Variants in MTHFD2L observed in about 807,000 individuals in gnomAD.
MTHFD2L encodes the protein bifunctional methylenetetrahydrofolate dehydrogenase/cyclohydrolase 2, mitochondrial.
MTHFD2L carries 29 observed loss-of-function variants against 34.9 expected under a neutral mutation model. The ratio of observed to expected loss-of-function variants is 0.83; its 90% CI spans 0.62 to 1.13. The LOEUF (loss-of-function observed/expected upper bound fraction) is 1.13. Among genes scored for constraint, MTHFD2L ranks in the 50% most tolerant of loss-of-function variants. The pLI, the probability that MTHFD2L is intolerant of heterozygous loss-of-function variation, is 0.00. For missense variants in MTHFD2L, 481 were observed against 446.5 expected (o/e 1.08, Z -0.70); for synonymous variants, 167 against 155.7 (o/e 1.07, Z -0.54).
At chr4:74,134,239 G>A (rs924432299) in intron 1 of MTHFD2L, among the ~76,000 whole-genome samples, 5 of 152,106 alleles carry the variant, frequency 3.3e-5, no homozygotes, top group African/African-American at 4.8e-5. Context: ...ATCCTCAGCC[G>A]TAAAAACTCC....
At position 74,277,305 on chromosome 4, in the gene MTHFD2L, A is replaced by G. The variant is rs76127671; in HGVS notation, c.806-4120A>G. On this transcript the variant is annotated intron_variant, in intron 6 of 7. Coordinates refer to ENST00000325278, the MANE Select transcript of MTHFD2L (RefSeq NM_001144978.3). Reference sequence around the variant, plus strand: ...TGTGACACAGCTGAGGGAACTCAATACACCCTAGATACCACTTGAATTGCT... The same window carrying G: ...TGTGACACAGCTGAGGGAACTCAATGCACCCTAGATACCACTTGAATTGCT... 6.2e-3 allele frequency among the ~76,000 whole-genome samples: 940 copies of G among 152,070 alleles called. 11 individuals are homozygous for G. Among genetic ancestry groups the G allele is most frequent in the African/African-American group, 0.022 (901 of 41,510 alleles).
intron 3 of MTHFD2L, 145 bp from the exon 4 acceptor site, chr4:74,199,646 CAAA>C: frequency 3.0e-6 from 2 of 668,382 alleles, no homozygotes; most frequent in African/African-American, 2.0e-5. Flanking sequence ...ATTTTGGTGG[CAAA>C]TAATAATAAT....
chr4:74,248,069 T>C (rs1458469313), intron 6 of MTHFD2L, among the ~76,000 whole-genome samples: 1 of 152,014 alleles, frequency 6.6e-6, no homozygotes, highest in Non-Finnish European at 1.5e-5. Context: ...CAGTTCCTCC[T>C]TGTACCTCTG....
upstream of MTHFD2L, among the ~76,000 whole-genome samples, chr4:74,119,063 C>A (rs1021771643): frequency 1.3e-5 from 2 of 152,264 alleles, no homozygotes; most frequent in Non-Finnish European, 1.5e-5. Flanking sequence ...TGCCTGCAGA[C>A]GCATATCAAA....
intron 6 of MTHFD2L, among the ~76,000 whole-genome samples, chr4:74,277,416 A>G (rs1283758471): frequency 2.6e-5 from 4 of 151,970 alleles, no homozygotes; most frequent in African/African-American, 9.7e-5. Flanking sequence ...TTATCTCAAG[A>G]TGCCCCATTG....
intron 6 of MTHFD2L, among the ~76,000 whole-genome samples, chr4:74,249,576 T>C (rs10017141): frequency 0.94 from 143,145 of 152,076 alleles, 67,704 homozygotes; most frequent in Non-Finnish European, 0.99. Flanking sequence ...TTCCTAATCT[T>C]GATGGTCTTT....
chr4:74,187,459 G>A (rs1037956699), intron 3 of MTHFD2L, among the ~76,000 whole-genome samples: 1 of 152,118 alleles, frequency 6.6e-6, no homozygotes, highest in Non-Finnish European at 1.5e-5. Context: ...AAAAGTATTT[G>A]AACAGACACT....
intron 6 of MTHFD2L, among the ~76,000 whole-genome samples, chr4:74,252,773 G>A (rs1482834887): frequency 2.6e-5 from 4 of 152,056 alleles, no homozygotes; most frequent in Non-Finnish European, 4.4e-5. Context: ...TTCTGCTTAA[G>A]AGTTTCAGAA....
intron 1 of MTHFD2L, among the ~76,000 whole-genome samples, chr4:74,142,428 C>T (rs1723332890): frequency 6.6e-6 from 1 of 152,100 alleles, no homozygotes; most frequent in Admixed American, 6.6e-5. Flanking sequence ...GCCCTCTTTC[C>T]ACTATGTGAG....
chr4:74,176,505 C>T (rs1189386810), intron 3 of MTHFD2L, among the ~76,000 whole-genome samples: 2 of 151,972 alleles, frequency 1.3e-5, no homozygotes, highest in African/African-American at 4.8e-5. Flanking sequence ...TGTAAAATAT[C>T]ATGTGGGTTT....
intron 5 of MTHFD2L, among the ~76,000 whole-genome samples, chr4:74,215,502 C>T (rs1737055540): frequency 6.6e-6 from 1 of 151,692 alleles, no homozygotes; most frequent in Non-Finnish European, 1.5e-5. Context: ...CACCCTGCTT[C>T]AGTTCGCCCT....
intron 1 of MTHFD2L, among the ~76,000 whole-genome samples, chr4:74,151,132 ATATTC>A (rs1219768618): frequency 1.3e-5 from 2 of 152,114 alleles, no homozygotes; most frequent in African/African-American, 4.8e-5. Flanking sequence ...AGTTAACATT[ATATTC>A]TAAACCAGGT....
intron 3 of MTHFD2L, among the ~76,000 whole-genome samples, chr4:74,196,432 C>T (rs370475724): frequency 7.7e-4 from 117 of 152,092 alleles, no homozygotes; most frequent in African/African-American, 2.7e-3. Context: ...ATGGAACACA[C>T]AGAGAAGAGA....
chr4:74,126,289 A>C (rs1340831486), intron 1 of MTHFD2L, among the ~76,000 whole-genome samples: 1 of 152,190 alleles, frequency 6.6e-6, no homozygotes, highest in African/African-American at 2.4e-5. Flanking sequence ...CTGCCAAATA[A>C]AGATCAAAAT....
intron 1 of MTHFD2L, among the ~76,000 whole-genome samples, chr4:74,134,115 G>T (rs555392165): frequency 1.3e-5 from 2 of 152,100 alleles, no homozygotes; most frequent in Non-Finnish European, 2.9e-5. Context: ...CATCTTCTTC[G>T]GTTTCCTGCC....
At chr4:74,174,417 T>C (rs1728620560) in intron 1 of MTHFD2L, 89 bp from the exon 2 acceptor site, 1 of 1,037,902 alleles carries the variant, frequency 9.6e-7, no homozygotes, top group Non-Finnish European at 1.3e-6. Flanking sequence ...TGGAGAATCA[T>C]GGTGGTTTTA....
intron 7 of MTHFD2L, among the ~76,000 whole-genome samples, chr4:74,285,860 A>G (rs1054459168): frequency 2.0e-5 from 3 of 152,114 alleles, no homozygotes; most frequent in Non-Finnish European, 4.4e-5. Flanking sequence ...ATCCAATGCC[A>G]TAATCACTTC....
In MTHFD2L at chr4:74,192,790, A is replaced by G. The variant is rs538792147; in HGVS notation, c.452-7004A>G. Among the ~76,000 whole-genome samples, 13 of 152,028 alleles carry G rather than the reference A, an allele frequency of 8.6e-5. No individual in the cohort carries two copies. In the East Asian group the frequency reaches 1.3e-3, roughly 16 times the overall value. ...TAAAATGTTATTTATTAAAAATATT[A>G]TTTATCTTTTAATGATTTAACTTTG... On this transcript the variant is annotated intron_variant, in intron 3 of 7. Transcript: ENST00000325278.
At chr4:74,261,035 C>T (rs1365967048) in intron 6 of MTHFD2L, among the ~76,000 whole-genome samples, 7 of 151,528 alleles carry the variant, frequency 4.6e-5, no homozygotes, top group African/African-American at 1.7e-4. Context: ...TATATATACT[C>T]TGTTGTAAAA....
Sources: gnomAD v4.1 joint callset for allele counts (sites outside exome capture counted in the v4.1 genomes callset) on GRCh38, gnomAD v4.1.1 for gene constraint, MANE v1.5 for transcripts, NCBI Gene and HGNC (gene_info 2026-07-23, HGNC 2026-07-21) for gene names.